The following MED1 variants were observed in gnomAD, a reference collection of about 807,000 sequenced individuals.
MED1 encodes the protein mediator complex subunit 1.
Under a neutral mutation model 121.3 loss-of-function variants are expected in MED1, and 17 were observed. The observed-to-expected ratio is 0.14, with a 90% CI of 0.10 to 0.21. The LOEUF is 0.21. Among genes scored for constraint, MED1 ranks in the 10% least tolerant of loss-of-function variants. MED1 has a pLI of 1.00. For missense variants in MED1, 1,558 were observed against 1,919.4 expected (o/e 0.81, Z 3.52); for synonymous variants, 661 against 694.4 (o/e 0.95, Z 0.76).
chr17:39,419,841 G>T lies in MED1; in HGVS notation c.1173C>A (p.Thr391=). Residue 391 remains threonine, a synonymous_variant, in exon 14 of 17, where the codon ACC becomes ACA. Coordinates refer to ENST00000300651, the MANE Select transcript of MED1 (RefSeq NM_004774.4). ...PLPDGRSLQG[T]LVSKITFQHP... ...GCTGAAAGGTGATTTTGCTAACAAG[G>T]GTTCCCTGTAGACTTCGGCCATCTG... 6.2e-7 allele frequency: 1 copy of T among 1,614,098 alleles called. No individual in the cohort carries two copies. The highest frequency in any genetic ancestry group is 8.5e-7 in the Non-Finnish European group (1 of 1,179,988).
In MED1 at chr17:39,405,104, G is replaced by T. The variant is rs1249181825; in HGVS notation, c.*2371C>A. 1.8e-6 allele frequency: 2 copies of T among 1,126,612 alleles called. No individual in the cohort carries two copies. Among genetic ancestry groups the T allele is most frequent in the East Asian group, 5.3e-5 (2 of 38,034 alleles). The allele number at this position is 1,126,612 out of a possible 1,614,324, so 69.8% of individuals were successfully genotyped here. A position where few individuals can be genotyped will look rare whatever the true frequency, so the allele number is the denominator to read the frequency against. ...AAGAATGAGTACACCTAGACAGGAGGGAGGTGTCCCAGGCTTGGTTTATTC... is the reference window on the plus strand; with the variant it reads ...AAGAATGAGTACACCTAGACAGGAGTGAGGTGTCCCAGGCTTGGTTTATTC... On this transcript the variant is annotated 3_prime_UTR_variant, in exon 17 of 17. Coordinates refer to ENST00000300651, the MANE Select transcript of MED1 (RefSeq NM_004774.4).
At chr17:39,413,568 T>A (rs937711460) in intron 16 of MED1, among the ~76,000 whole-genome samples, 25 of 152,040 alleles carry the variant, frequency 1.6e-4, no homozygotes, top group Non-Finnish European at 8.8e-5. Flanking sequence ...GCCTAACATT[T>A]AAGTTGTGAA....
At chr17:39,423,953 G>A (rs2048491135) in intron 11 of MED1, 132 bp from the exon 12 acceptor site, 8 of 1,010,118 alleles carry the variant, frequency 7.9e-6, no homozygotes, top group Admixed American at 3.2e-5. Context: ...CGTGATCTTG[G>A]CTCACTGCAA....
chr17:39,409,508 T>A lies in MED1; in HGVS notation c.2713A>T (p.Thr905Ser), dbSNP rs757936544. 6.2e-7 allele frequency: 1 copy of A among 1,614,170 alleles called. No homozygotes were observed. The highest frequency in any genetic ancestry group is 1.3e-5 in the African/African-American group (1 of 75,038). Residue 905 changes from threonine (T) to serine (S), a missense_variant, in exon 17 of 17, where the codon ACT becomes TCT. Thr to Ser is a moderately conservative substitution (Grantham distance 58). Transcript: ENST00000300651. ...FKGFASQALN[T>S]LGVPMLGGDN... ...CCTCCAAGCATTGGCACCCCCAAAG[T>A]ATTTAGTGCCTGAGATGCAAATCCT... is the stretch of plus-strand genomic sequence containing the variant.
intron 14 of MED1, among the ~76,000 whole-genome samples, chr17:39,418,085 CAAAA>C (rs760116991): frequency 3.8e-4 from 21 of 55,636 alleles, no homozygotes; most frequent in East Asian, 1.1e-3. Context: ...GACTCCGTCT[CAAAA>C]AAAAAAAAAA....
At chr17:39,410,861 A>T (rs969885921) in intron 16 of MED1, 140 bp from the exon 17 acceptor site, 14 of 1,267,990 alleles carry the variant, frequency 1.1e-5, no homozygotes, top group Non-Finnish European at 1.1e-6. Flanking sequence ...TAGTTCTATC[A>T]AATACCAGAG....
intron 6 of MED1, among the ~76,000 whole-genome samples, chr17:39,438,136 A>G (rs1191174603): frequency 6.6e-6 from 1 of 151,232 alleles, no homozygotes; most frequent in Non-Finnish European, 1.5e-5. Flanking sequence ...TCAGGAGTTC[A>G]AGATCAGCCT....
At chr17:39,433,700 C>T (rs2048592008) in intron 7 of MED1, among the ~76,000 whole-genome samples, 1 of 151,912 alleles carries the variant, frequency 6.6e-6, no homozygotes, top group African/African-American at 2.4e-5. Context: ...ACTACATGCA[C>T]CCATCACCAC....
At chr17:39,417,743 T>A (rs1413174925) in intron 14 of MED1, among the ~76,000 whole-genome samples, 1 of 152,238 alleles carries the variant, frequency 6.6e-6, no homozygotes, top group Non-Finnish European at 1.5e-5. Flanking sequence ...CGCTTCTGAC[T>A]TAAGATTTTT....
intron 2 of MED1, among the ~76,000 whole-genome samples, chr17:39,447,191 G>A (rs1161899470): frequency 6.6e-6 from 1 of 152,062 alleles, no homozygotes. Context: ...TGGAGGTCAA[G>A]ACCAGCCTGA....
chr17:39,448,636 G>A (rs188311926), intron 1 of MED1, among the ~76,000 whole-genome samples: 3 of 152,100 alleles, frequency 2.0e-5, no homozygotes, highest in African/African-American at 4.8e-5. Context: ...CTGGCTGGGC[G>A]GAGTGGCTCA....
At chr17:39,426,130 C>T (rs1007884448) in intron 10 of MED1, among the ~76,000 whole-genome samples, 4 of 151,922 alleles carry the variant, frequency 2.6e-5, no homozygotes, top group African/African-American at 7.3e-5. Flanking sequence ...GAGACCTACC[C>T]CGTCCCCCAT....
intron 8 of MED1, among the ~76,000 whole-genome samples, chr17:39,431,729 A>G (rs2048566733): frequency 6.6e-6 from 1 of 152,202 alleles, no homozygotes; most frequent in South Asian, 2.1e-4. Context: ...TATTTCTCAG[A>G]TGGGACTCCA....
chr17:39,407,779 C>T lies in MED1; in HGVS notation c.4442G>A (p.Ser1481Asn). The change falls in exon 17 of 17, where the codon AGC (serine) becomes AAC (asparagine). Residue 1481 changes from serine (S) to asparagine (N), a missense_variant. Ser to Asn is a conservative substitution (Grantham distance 46, BLOSUM62 1). Around this residue, in one of 5 missense-constraint regions of MED1, gnomAD observed 264 missense variants for 326.1 expected, o/e 0.81. Coordinates refer to ENST00000300651, the MANE Select transcript of MED1 (RefSeq NM_004774.4). ...IAEKSYQNSP[S>N]SDDGIRPLPE... is the part of the protein sequence containing the mutation. ...AAGTGGTCGGATACCATCGTCTGAG[C>T]TGGGACTATTCTGATAAGATTTCTC... 1 of 1,614,160 alleles carries T rather than the reference C, an allele frequency of 6.2e-7. No individual in the cohort carries two copies. Among genetic ancestry groups the T allele is most frequent in the Non-Finnish European group, 8.5e-7 (1 of 1,180,040 alleles).
chr17:39,407,387 G>T lies in MED1; in HGVS notation c.*88C>A, dbSNP rs990172146. On this transcript the variant is annotated 3_prime_UTR_variant, in exon 17 of 17. Coordinates refer to ENST00000300651, the MANE Select transcript of MED1 (RefSeq NM_004774.4). ...TAGGATTCTTAACCAAATCAGACCT[G>T]TCTGACTCACCCCTTATGGTGGTTT... 1 of 1,469,842 alleles carries T rather than the reference G, an allele frequency of 6.8e-7. No homozygotes were observed. The allele number at this position is 1,469,842 out of a possible 1,614,324, so 91.0% of individuals were successfully genotyped here.
In MED1 at chr17:39,419,735, T is replaced by C; in HGVS notation, c.1279A>G (p.Arg427Gly). ...GCAGTACCTTCTTTCAGAATAGTTC[T>C]TTTGACACAGCTTCCAATGAGGGTG... ...YNTLIGSCVKRTILKEDSPGL... is the reference protein window; with the variant it reads ...YNTLIGSCVKGTILKEDSPGL... The change falls in exon 14 of 17, where the codon AGA becomes GGA. Residue 427 changes from arginine (R) to glycine (G), a missense_variant. This residue lies in a region of MED1 where 443 missense variants were observed against 532.4 expected (regional missense o/e 0.83). Transcript: ENST00000300651. The C allele has an allele frequency of 6.2e-7, 1 of 1,613,186 alleles. No individual in the cohort carries two copies. Among genetic ancestry groups the C allele is most frequent in the Non-Finnish European group, 8.5e-7 (1 of 1,179,110 alleles).
chr17:39,406,048 C>T lies in MED1; in HGVS notation c.*1427G>A. On this transcript the variant is annotated 3_prime_UTR_variant, in exon 17 of 17. Coordinates refer to ENST00000300651, the MANE Select transcript of MED1 (RefSeq NM_004774.4). ...AAGGCCGCAGAATTTTTGAGAGGAC[C>T]CTCCAAATACTGAGAACTTCTGTTG... The T allele has an allele frequency of 3.0e-6, 3 of 985,390 alleles. No homozygotes were observed. Among genetic ancestry groups the T allele is most frequent in the Non-Finnish European group, 3.6e-6 (3 of 829,910 alleles). 61.0% of individuals were successfully genotyped at this position (985,390 alleles called of 1,614,324 possible). A position where few individuals can be genotyped will look rare whatever the true frequency, so the allele number is the denominator to read the frequency against.
At position 39,409,211 on chromosome 17, in the gene MED1, T is replaced by C. The variant is rs2048332137; in HGVS notation, c.3010A>G (p.Lys1004Glu). The change falls in exon 17 of 17, where the codon AAA becomes GAA. Residue 1004 changes from lysine to glutamate, a missense_variant. Lys to Glu is a moderately conservative substitution (Grantham distance 56). Around this residue, in one of 5 missense-constraint regions of MED1, gnomAD observed 793 missense variants for 898.2 expected, o/e 0.88. Transcript: ENST00000300651. Reference protein sequence around the residue: ...KRSRTPSNDGKSKDKPPKRKK... With the variant: ...KRSRTPSNDGESKDKPPKRKK... ...CGCTTTGGAGGCTTATCTTTGCTTT[T>C]CCCATCATTAGAAGGGGTCCGACTG... 3.1e-6 allele frequency: 5 copies of C among 1,614,050 alleles called. No individual in the cohort carries two copies.
At chr17:39,441,056 ACAATC>A (rs949727588) in intron 3 of MED1, among the ~76,000 whole-genome samples, 1 of 152,206 alleles carries the variant, frequency 6.6e-6, no homozygotes, top group Admixed American at 6.6e-5. Flanking sequence ...AAAGGTTAAA[ACAATC>A]CAAGTGTCCA....
Sources: gnomAD v4.1 joint callset for allele counts (sites outside exome capture counted in the v4.1 genomes callset) on GRCh38, gnomAD v4.1.1 for gene constraint, gnomAD v4.1.1 regional missense constraint, MANE v1.5 for transcripts, NCBI Gene and HGNC (gene_info 2026-07-23, HGNC 2026-07-21) for gene names.